The following RTL4 variants were observed in gnomAD, a reference collection of about 807,000 sequenced individuals.
RTL4 encodes retrotransposon Gag like 4.
RTL4 carries 4 observed loss-of-function variants against 5.3 expected under a neutral mutation model. The observed-to-expected ratio is 0.75, with a 90% CI of 0.37 to 1.72. The LOEUF is 1.72. Ranked by LOEUF, RTL4 falls within the 40% of genes most tolerant of loss-of-function variation. The pLI, the probability that RTL4 is intolerant of heterozygous loss-of-function variation, is 0.04. For synonymous variants in RTL4, 98 were observed against 87.3 expected, an observed-to-expected ratio of 1.12 and a Z score of -0.68; for missense variants, 260 against 227.1, an observed-to-expected ratio of 1.14 and a Z score of -0.93.
At chrX:112,174,831 A>T in the RTL4 span, among the ~76,000 whole-genome samples, 3 of 97,113 alleles carry the variant, frequency 3.1e-5, no homozygotes, top group African/African-American at 1.1e-4. Context: ...TCTGATGGCC[A>T]GTGATGATGA....
chrX:112,321,534 CAA>C, the RTL4 span, among the ~76,000 whole-genome samples: 35 of 36,423 alleles, frequency 9.6e-4, no homozygotes, highest in African/African-American at 1.4e-3. Context: ...GACTCCGTCT[CAA>C]AAAAAAAAAA....
At chrX:112,202,873 A>T in the RTL4 span, among the ~76,000 whole-genome samples, 1 of 111,470 alleles carries the variant, frequency 9.0e-6, no homozygotes, top group Non-Finnish European at 1.9e-5. Context: ...GTACCATTTT[A>T]AATCCCAATG....
the RTL4 span, among the ~76,000 whole-genome samples, chrX:112,103,537 T>C: frequency 9.1e-6 from 1 of 109,778 alleles, no homozygotes; most frequent in African/African-American, 3.3e-5. Flanking sequence ...GTTTACCTAT[T>C]TAACAAACCT....
At chrX:112,131,639 T>C in the RTL4 span, among the ~76,000 whole-genome samples, 17 of 111,676 alleles carry the variant, frequency 1.5e-4, no homozygotes, top group African/African-American at 5.5e-4. Context: ...ATCTCTCAAG[T>C]TGCTTCATGT....
At chrX:112,172,433 G>A in the RTL4 span, among the ~76,000 whole-genome samples, 165 of 111,727 alleles carry the variant, frequency 1.5e-3, no homozygotes, top group Middle Eastern at 9.2e-3. Flanking sequence ...AGAGAAATGC[G>A]TATGAAAACC....
chrX:112,176,736 A>G, the RTL4 span, among the ~76,000 whole-genome samples: 4 of 111,319 alleles, frequency 3.6e-5, no homozygotes, highest in Non-Finnish European at 7.5e-5. Context: ...TGATAACTAT[A>G]ATTTTCCTAT....
At chrX:112,399,338 A>G in the RTL4 span, among the ~76,000 whole-genome samples, 1 of 110,975 alleles carries the variant, frequency 9.0e-6, no homozygotes, top group East Asian at 2.8e-4. Flanking sequence ...TCTGGCCTCT[A>G]TTATAGCTTT....
the RTL4 span, among the ~76,000 whole-genome samples, chrX:112,291,974 C>T: frequency 0.22 from 24,723 of 110,172 alleles, 2,217 homozygotes; most frequent in Admixed American, 0.32. Flanking sequence ...TTGCCTCCTC[C>T]TGCTACTTCT....
At chrX:112,422,506 G>A in the RTL4 span, among the ~76,000 whole-genome samples, 1 of 3,839 alleles carries the variant, frequency 2.6e-4, no homozygotes, top group African/African-American at 3.8e-4. Context: ...GTCAGCAAAG[G>A]GGGGGTTCCT....
chrX:112,127,433 A>G, the RTL4 span, among the ~76,000 whole-genome samples: 1 of 111,756 alleles, frequency 8.9e-6, no homozygotes, highest in Non-Finnish European at 1.9e-5. Flanking sequence ...AATTTTCTCA[A>G]CATCATAAAG....
chrX:112,095,913 T>TA, the RTL4 span, among the ~76,000 whole-genome samples: 14 of 111,606 alleles, frequency 1.3e-4, no homozygotes, highest in Non-Finnish European at 2.5e-4. Context: ...GTTGAGCACT[T>TA]AAAGTTTCTA....
At chrX:112,253,518 T>G in the RTL4 span, among the ~76,000 whole-genome samples, 1 of 112,590 alleles carries the variant, frequency 8.9e-6, no homozygotes, top group African/African-American at 3.2e-5. Flanking sequence ...GCTGGTATTA[T>G]GGACCTGTGG....
the RTL4 span, among the ~76,000 whole-genome samples, chrX:112,204,341 A>T: frequency 8.9e-6 from 1 of 112,243 alleles, no homozygotes; most frequent in African/African-American, 3.2e-5. Flanking sequence ...AAAGGAAACC[A>T]GTGTATCGAA....
chrX:112,161,881 CTTCT>C, the RTL4 span, among the ~76,000 whole-genome samples: 1 of 21,169 alleles, frequency 4.7e-5, no homozygotes, highest in Admixed American at 7.2e-4. Context: ...TTCCTTCTTT[CTTCT>C]TTCTTTCTTC....
chrX:112,441,303 C>T, the RTL4 span, among the ~76,000 whole-genome samples: 1 of 111,285 alleles, frequency 9.0e-6, no homozygotes, highest in African/African-American at 3.3e-5. Context: ...GTTTGCTTTT[C>T]ATGGAATTAG....
At chrX:112,091,199 C>T in the RTL4 span, among the ~76,000 whole-genome samples, 6 of 111,237 alleles carry the variant, frequency 5.4e-5, no homozygotes, top group Non-Finnish European at 1.1e-4. Context: ...AAAGAATTAA[C>T]TTTTACTTTT....
chrX:112,241,775 C>T, the RTL4 span, among the ~76,000 whole-genome samples: 2 of 111,771 alleles, frequency 1.8e-5, no homozygotes, highest in African/African-American at 3.3e-5. Flanking sequence ...TTGCCCATGC[C>T]TATGTCCTGA....
chrX:112,219,623 T>A, the RTL4 span, among the ~76,000 whole-genome samples: 3,461 of 112,162 alleles, frequency 0.031, 121 homozygotes, highest in African/African-American at 0.11. Context: ...CAAACCAAAA[T>A]TATCAAGGAG....
chrX:112,195,845 A>T, the RTL4 span, among the ~76,000 whole-genome samples: 1 of 111,779 alleles, frequency 8.9e-6, no homozygotes, highest in Non-Finnish European at 1.9e-5. Flanking sequence ...TTACAATGAT[A>T]AAAGTGATAG....
Sources: allele counts gnomAD v4.1 joint callset (sites outside exome capture counted in the v4.1 genomes callset), GRCh38; gene constraint gnomAD v4.1.1; transcripts MANE v1.5; gene names NCBI Gene and HGNC (gene_info 2026-07-23, HGNC 2026-07-21).